ALOXE3: variants seen among roughly 807,000 people sequenced by gnomAD.
The protein encoded by ALOXE3 is hydroperoxide isomerase ALOXE3.
ALOXE3 carries 78 observed loss-of-function variants against 87.5 expected under a neutral mutation model. The observed-to-expected ratio is 0.89, with a 90% CI of 0.74 to 1.08. The LOEUF (loss-of-function observed/expected upper bound fraction) is 1.08. Ranked by LOEUF, ALOXE3 falls within the 50% of genes least tolerant of loss-of-function variation. The pLI is 0.00. For synonymous variants in ALOXE3, 363 were observed against 370.8 expected (o/e 0.98, Z 0.24); for missense variants, 946 against 912.4 (o/e 1.04, Z -0.47).
intron 13 of ALOXE3, among the ~76,000 whole-genome samples, chr17:8,105,609 G>A (rs1000561955): frequency 2.0e-5 from 3 of 152,134 alleles, no homozygotes; most frequent in African/African-American, 7.2e-5. Context: ...CAAGAGCCCG[G>A]TAATTATTGG....
intron 8 of ALOXE3, 114 bp from the exon 9 acceptor site, chr17:8,110,642 A>G: frequency 1.4e-6 from 2 of 1,466,726 alleles, no homozygotes; most frequent in Non-Finnish European, 1.9e-6. Context: ...CTGAGGTCTC[A>G]GAAATTCTTG....
At position 8,117,965 on chromosome 17, in the gene ALOXE3, G is replaced by A; in HGVS notation, c.26C>T (p.Thr9Ile). MAVYRLCV[T>I]TGPYLRAGTL... ...GCCGGCCCTCAGGTAGGGACCAGTG[G>A]TCACACACAGGCGGTACACTGCCAT... The change falls in exon 2 of 16, where the codon ACC becomes ATC. Residue 9 changes from threonine (T) to isoleucine (I), a missense_variant. Thr to Ile is a moderately conservative substitution (Grantham distance 89, BLOSUM62 -1). Transcript: ENST00000448843. 1 of 1,612,188 alleles carries A rather than the reference G, an allele frequency of 6.2e-7. No homozygotes were observed. The highest frequency in any genetic ancestry group is 1.3e-5 in the African/African-American group (1 of 75,028).
chr17:8,112,274 G>A (rs531653639), intron 6 of ALOXE3, 78 bp from the exon 7 acceptor site: 2 of 1,101,158 alleles, frequency 1.8e-6, no homozygotes, highest in East Asian at 4.7e-5. Context: ...CCTCTGCCTG[G>A]AGGAACTGAC....
At chr17:8,118,422 C>T in intron 1 of ALOXE3, 64 bp downstream of exon 1, 1 of 1,550,944 alleles carries the variant, frequency 6.4e-7, no homozygotes. Flanking sequence ...CTTGTCCGCC[C>T]ACTCCCCAAT....
chr17:8,115,097 G>A (rs140852370), intron 4 of ALOXE3, 40 bp from the exon 5 acceptor site: 93 of 1,613,252 alleles, frequency 5.8e-5, no homozygotes, highest in African/African-American at 8.0e-5. Context: ...GGTCATGCTC[G>A]GGATAAACAC....
rs1567996684 is a variant in ALOXE3, at chr17:8,107,962, GAAGGAGAGAGAGAGAGAGA to G, written c.1684+487_1684+505del. Among the ~76,000 whole-genome samples the G allele has an allele frequency of 5.1e-4, 3 of 5,856 alleles. 1 individual carries two copies. Among genetic ancestry groups the G allele is most frequent in the South Asian group, 5.9e-3 (1 of 170 alleles). 3.8% of individuals were successfully genotyped at this position (5,856 alleles called of 152,430 possible). ...GAAAGAAAGAAAGAAAGAAAGAAAG[GAAGGAGAGAGAGAGAGAGA>G]GAAAGAAAGAAAGGAAGGAAAGAAA... On this transcript the variant is annotated intron_variant, in intron 13 of 15. Coordinates refer to ENST00000448843, the MANE Select transcript of ALOXE3 (RefSeq NM_021628.3).
In ALOXE3 at chr17:8,108,053, A is replaced by G. The variant is rs1417776511; in HGVS notation, c.1684+415T>C. ...AAAGAAAGAAAGAAAGAAAGAAAGA[A>G]AGAAAGAAAGAAAGGAAGAGAGGTT... On this transcript the variant is annotated intron_variant, in intron 13 of 15. Transcript: ENST00000448843. Among the ~76,000 whole-genome samples, 4 of 149,404 alleles carry G rather than the reference A, an allele frequency of 2.7e-5. 1 individual carries two copies. The highest frequency in any genetic ancestry group is 4.5e-5 in the Non-Finnish European group (3 of 67,186).
In ALOXE3 at chr17:8,112,168, A is replaced by G. The variant is rs121434235; in HGVS notation, c.709T>C (p.Leu237=). Residue 237 remains leucine, a synonymous_variant, in exon 7 of 16, where the codon TTG becomes CTG. Coordinates refer to ENST00000448843, the MANE Select transcript of ALOXE3 (RefSeq NM_021628.3). ...TTCTTCCAGGAGCCCTTGCGATCCA[A>G]CAGCCCTCGAAGCTTCATTCCCAAG... The part of the protein sequence containing the change: ...ASLGMKLRGL[L]DRKGSWKKLD... The G allele has an allele frequency of 1.1e-5, 17 of 1,614,180 alleles. No homozygotes were observed. The highest frequency in any genetic ancestry group is 1.6e-4 in the Middle Eastern group (1 of 6,062).
Position 8,117,977 on chromosome 17 carries a change from C to T in ALOXE3, c.14G>A (p.Arg5His). 1 of 1,611,368 alleles carries T rather than the reference C, an allele frequency of 6.2e-7. No homozygotes were observed. The highest frequency in any genetic ancestry group is 8.5e-7 in the Non-Finnish European group (1 of 1,179,690). The change falls in exon 2 of 16, where the codon CGC becomes CAC. Residue 5 changes from arginine (R) to histidine (H), a missense_variant. Coordinates refer to ENST00000448843, the MANE Select transcript of ALOXE3 (RefSeq NM_021628.3). MAVYRLCVTTGPYLR... is the reference protein window; with the variant it reads MAVYHLCVTTGPYLR... Reference sequence around the variant, plus strand: ...GTAGGGACCAGTGGTCACACACAGGCGGTACACTGCCATGATGGGAAGGAG... The same window carrying T: ...GTAGGGACCAGTGGTCACACACAGGTGGTACACTGCCATGATGGGAAGGAG...
In ALOXE3 at chr17:8,115,680, T is replaced by C. The variant is rs1980521644; in HGVS notation, c.361A>G (p.Ile121Val). 1 of 1,613,428 alleles carries C rather than the reference T, an allele frequency of 6.2e-7. No individual in the cohort carries two copies. The highest frequency in any genetic ancestry group is 8.5e-7 in the Non-Finnish European group (1 of 1,179,346). The change falls in exon 4 of 16, where the codon ATT (isoleucine) becomes GTT (valine). Residue 121 changes from isoleucine to valine, a missense_variant. Coordinates refer to ENST00000448843, the MANE Select transcript of ALOXE3 (RefSeq NM_021628.3). The stretch of plus-strand genomic sequence containing the variant: ...AGGAGGGGAAGAGAGTCCTGACAAA[T>C]AGTTCTTGCTGTGGGGAATGAAAAT... ...VELRPGTARTICQDSLPLLLD... is the reference protein window; with the variant it reads ...VELRPGTARTVCQDSLPLLLD...
chr17:8,100,551 G>GT (rs1230160153), intron 15 of ALOXE3, among the ~76,000 whole-genome samples: 9 of 151,964 alleles, frequency 5.9e-5, no homozygotes, highest in Admixed American at 2.6e-4. Flanking sequence ...TTGTATTGTG[G>GT]TTTTTTTTGA....
At position 8,107,410 on chromosome 17, in the gene ALOXE3, G is replaced by A. The variant is rs181389021; in HGVS notation, c.1684+1058C>T. On this transcript the variant is annotated intron_variant, in intron 13 of 15. Coordinates refer to ENST00000448843, the MANE Select transcript of ALOXE3 (RefSeq NM_021628.3). ...CAGACGCCTGTAATCCCAGCTACTC[G>A]GGAGACTGAGGCAGCAGAATCTCTT... 1.8e-3 allele frequency among the ~76,000 whole-genome samples: 272 copies of A among 152,218 alleles called. 2 individuals are homozygous for A. The South Asian group carries it at 0.02, about 11-fold the overall frequency.
At chr17:8,114,456 A>G (rs375277612) in intron 6 of ALOXE3, 28 bp downstream of exon 6, 3 of 1,613,608 alleles carry the variant, frequency 1.9e-6, no homozygotes, top group African/African-American at 1.3e-5. Context: ...GAGATGTAAG[A>G]TGTTCATTAG....
intron 3 of ALOXE3, among the ~76,000 whole-genome samples, chr17:8,116,089 G>C (rs1157717296): frequency 6.6e-6 from 1 of 152,234 alleles, no homozygotes; most frequent in Admixed American, 6.5e-5. Flanking sequence ...GTGCTGTGGA[G>C]ATGGATGAGA....
chr17:8,116,556 G>A (rs1980603976), intron 3 of ALOXE3, among the ~76,000 whole-genome samples: 1 of 152,160 alleles, frequency 6.6e-6, no homozygotes, highest in Non-Finnish European at 1.5e-5. Context: ...GCCTATATGA[G>A]TGTATGTGTC....
Position 8,116,760 on chromosome 17 carries a change from C to T in ALOXE3, c.352+16G>A, listed in dbSNP as rs1340162870. The T allele has an allele frequency of 1.1e-5, 17 of 1,613,418 alleles. No individual in the cohort carries two copies. The highest frequency in any genetic ancestry group is 1.4e-5 in the Non-Finnish European group (17 of 1,179,444). ...ACACCTTCTGCAGTACAGTGTAGTC[C>T]TCGTCTCTGGCCCACCTGTTCCTGG... On this transcript the variant is annotated intron_variant, in intron 3 of 15. Coordinates refer to ENST00000448843, the MANE Select transcript of ALOXE3 (RefSeq NM_021628.3).
chr17:8,117,293 G>A (rs566305983), intron 2 of ALOXE3, among the ~76,000 whole-genome samples: 6 of 152,130 alleles, frequency 3.9e-5, no homozygotes, highest in Non-Finnish European at 7.4e-5. Context: ...CGTGGCAGGC[G>A]CCTGTAATCC....
At chr17:8,097,308 G>A (rs1367369843) in intron 15 of ALOXE3, among the ~76,000 whole-genome samples, 1 of 151,838 alleles carries the variant, frequency 6.6e-6, no homozygotes, top group East Asian at 1.9e-4. Context: ...ACCTTTAAAG[G>A]TCCCTTTCAT....
chr17:8,109,458 A>C, intron 11 of ALOXE3, 115 bp from the exon 12 acceptor site: 1 of 1,414,434 alleles, frequency 7.1e-7, no homozygotes, highest in Non-Finnish European at 9.6e-7. Context: ...TTCACCAAGC[A>C]ATCCACGGAT....
Sources: allele counts gnomAD v4.1 joint callset (sites outside exome capture counted in the v4.1 genomes callset), GRCh38; gene constraint gnomAD v4.1.1; transcripts MANE v1.5; gene names NCBI Gene and HGNC (gene_info 2026-07-23, HGNC 2026-07-21).